PITPNC1: variants seen among roughly 807,000 people sequenced by gnomAD.
PITPNC1 encodes cytoplasmic phosphatidylinositol transfer protein 1.
PITPNC1 carries 18 observed loss-of-function variants against 44.7 expected under a neutral mutation model. That is an observed-to-expected ratio of 0.40 (90% CI 0.28 to 0.60). PITPNC1 has a LOEUF of 0.60. Ranked by LOEUF, PITPNC1 falls within the 20% of genes least tolerant of loss-of-function variation. PITPNC1 has a pLI of 0.39. For missense variants in PITPNC1, 290 were observed against 418.4 expected, an observed-to-expected ratio of 0.69 and a Z score of 2.68; for synonymous variants, 141 against 149.6, an observed-to-expected ratio of 0.94 and a Z score of 0.42.
At chr17:67,620,833 C>T (rs150182057) in intron 5 of PITPNC1, among the ~76,000 whole-genome samples, 3 of 152,286 alleles carry the variant, frequency 2.0e-5, no homozygotes, top group Non-Finnish European at 2.9e-5. Flanking sequence ...AGCAGTTTAC[C>T]TCCCACTGTA....
At chr17:67,579,822 C>A (rs1158040615) in intron 5 of PITPNC1, among the ~76,000 whole-genome samples, 1 of 151,700 alleles carries the variant, frequency 6.6e-6, no homozygotes, top group Admixed American at 6.6e-5. Context: ...TGCCTGTAAT[C>A]CCAGCTACTC....
At chr17:67,546,726 G>A (rs2040689564) in intron 2 of PITPNC1, among the ~76,000 whole-genome samples, 1 of 152,168 alleles carries the variant, frequency 6.6e-6, no homozygotes, top group Admixed American at 6.5e-5. Context: ...GGTCGGGGGT[G>A]GGGCCCGTGA....
chr17:67,426,156 G>A (rs1467085776), intron 1 of PITPNC1, among the ~76,000 whole-genome samples: 1 of 152,150 alleles, frequency 6.6e-6, no homozygotes, highest in African/African-American at 2.4e-5. Flanking sequence ...TTACACTGTT[G>A]GTGGGAAGGT....
chr17:67,644,967 A>G (rs1197014296), intron 6 of PITPNC1, among the ~76,000 whole-genome samples: 1 of 152,182 alleles, frequency 6.6e-6, no homozygotes, highest in African/African-American at 2.4e-5. Context: ...CCCAAGAATC[A>G]GTGTGTAAAT....
At chr17:67,576,161 G>A (rs2041147053) in intron 4 of PITPNC1, among the ~76,000 whole-genome samples, 1 of 152,018 alleles carries the variant, frequency 6.6e-6, no homozygotes, top group Non-Finnish European at 1.5e-5. Context: ...ACAGGCATGA[G>A]CCACCGTGCC....
intron 5 of PITPNC1, among the ~76,000 whole-genome samples, chr17:67,631,299 T>C: frequency 6.6e-6 from 1 of 151,162 alleles, no homozygotes; most frequent in Non-Finnish European, 1.5e-5. Context: ...CTATATTTTC[T>C]GCAATGAGCA....
intron 1 of PITPNC1, among the ~76,000 whole-genome samples, chr17:67,425,804 C>T (rs1212757467): frequency 3.3e-5 from 5 of 152,108 alleles, no homozygotes; most frequent in Non-Finnish European, 5.9e-5. Flanking sequence ...GCTGGGATTA[C>T]AGGTGCAAGC....
intron 3 of PITPNC1, chr17:67,553,234 C>A (rs1168406391): frequency 6.2e-6 from 1 of 161,782 alleles, no homozygotes; most frequent in African/African-American, 2.4e-5. Flanking sequence ...ACAAGCTCTT[C>A]TTATTGGTTA....
At chr17:67,529,247 C>T (rs1297405571) in intron 1 of PITPNC1, among the ~76,000 whole-genome samples, 1 of 152,200 alleles carries the variant, frequency 6.6e-6, no homozygotes, top group East Asian at 1.9e-4. Flanking sequence ...CTGAGCCCAG[C>T]CAGGGCTGAC....
chr17:67,494,066 T>C (rs902738977), intron 1 of PITPNC1, among the ~76,000 whole-genome samples: 1 of 152,170 alleles, frequency 6.6e-6, no homozygotes, highest in African/African-American at 2.4e-5. Context: ...GACCTTCCAG[T>C]GGGAGCTTAT....
chr17:67,660,518 T>TTTTATTTTATTTA (rs1271950871), intron 6 of PITPNC1, among the ~76,000 whole-genome samples: 268 of 139,416 alleles, frequency 1.9e-3, no homozygotes, highest in African/African-American at 7.4e-3. Flanking sequence ...TTTTATTTTA[T>TTTTATTTTATTTA]TTTATTTATT....
chr17:67,574,222 T>G (rs2041103774), intron 4 of PITPNC1, among the ~76,000 whole-genome samples: 1 of 152,194 alleles, frequency 6.6e-6, no homozygotes, highest in South Asian at 2.1e-4. Flanking sequence ...GTAAAATAAC[T>G]TGCCCAGGTT....
intron 4 of PITPNC1, among the ~76,000 whole-genome samples, chr17:67,572,753 A>G (rs1488439879): frequency 7.9e-6 from 1 of 126,394 alleles, no homozygotes; most frequent in Non-Finnish European, 1.7e-5. Flanking sequence ...TACCATGGCC[A>G]AAAAAAAAAA....
At chr17:67,513,384 T>TATCTATATCTAC (rs1378804504) in intron 1 of PITPNC1, among the ~76,000 whole-genome samples, 13 of 147,260 alleles carry the variant, frequency 8.8e-5, no homozygotes, top group Middle Eastern at 3.6e-3. Context: ...TCTATATCTA[T>TATCTATATCTAC]ATCTATATCT....
At chr17:67,621,270 C>T (rs1040490683) in intron 5 of PITPNC1, among the ~76,000 whole-genome samples, 8 of 148,164 alleles carry the variant, frequency 5.4e-5, no homozygotes, top group South Asian at 2.1e-4. Context: ...TGCAATGGCG[C>T]GATCTCAGGT....
chr17:67,427,576 A>G (rs2038789505), intron 1 of PITPNC1, among the ~76,000 whole-genome samples: 1 of 151,964 alleles, frequency 6.6e-6, no homozygotes, highest in Admixed American at 6.6e-5. Context: ...AGTGAGCTGG[A>G]TTTGCTGTAT....
intron 1 of PITPNC1, among the ~76,000 whole-genome samples, chr17:67,447,195 C>G (rs972784809): frequency 6.7e-6 from 1 of 150,152 alleles, no homozygotes; most frequent in Non-Finnish European, 1.5e-5. Context: ...CCTGGAGATT[C>G]ACTCCTTATC....
intron 1 of PITPNC1, among the ~76,000 whole-genome samples, chr17:67,460,720 T>TTTTTTC: frequency 6.7e-6 from 1 of 148,606 alleles, no homozygotes; most frequent in East Asian, 2.0e-4. Flanking sequence ...CGGCCCTTTC[T>TTTTTTC]TTTTTCTTTT....
chr17:67,632,392 A>G (rs1035168490), intron 6 of PITPNC1, 154 bp downstream of exon 6: 1 of 615,202 alleles, frequency 1.6e-6, no homozygotes, highest in African/African-American at 1.9e-5. Flanking sequence ...CAAGTCTCAA[A>G]ATTAAGTCTC....
Sources: allele counts gnomAD v4.1 joint callset (sites outside exome capture counted in the v4.1 genomes callset), GRCh38; gene constraint gnomAD v4.1.1; transcripts MANE v1.5; gene names NCBI Gene and HGNC (gene_info 2026-07-23, HGNC 2026-07-21).